The following SSH2 variants were observed in gnomAD, a reference collection of about 807,000 sequenced individuals.
SSH2 encodes the protein protein phosphatase Slingshot homolog 2.
A neutral mutation model predicts 135.2 loss-of-function variants in SSH2; 37 were observed. That is an observed-to-expected ratio of 0.27 (90% CI 0.21 to 0.36). SSH2 has a LOEUF of 0.36. SSH2 is among the 10% of genes least tolerant of loss of function. The pLI, the probability that SSH2 is intolerant of heterozygous loss-of-function variation, is 1.00. For synonymous variants in SSH2, 628 were observed against 646.2 expected, an observed-to-expected ratio of 0.97 and a Z score of 0.43; for missense variants, 1,408 against 1,765.3, an observed-to-expected ratio of 0.80 and a Z score of 3.63.
intron 2 of SSH2, among the ~76,000 whole-genome samples, chr17:29,829,830 G>T (rs949442007): frequency 1.3e-5 from 2 of 148,862 alleles, no homozygotes; most frequent in Admixed American, 1.3e-4. Flanking sequence ...AAGAAATAAA[G>T]ATCAAGATTT....
At chr17:29,815,897 G>A (rs1190515651) in intron 2 of SSH2, among the ~76,000 whole-genome samples, 3 of 152,042 alleles carry the variant, frequency 2.0e-5, no homozygotes, top group Middle Eastern at 3.2e-3. Flanking sequence ...TGCCCAGGCT[G>A]GAGTGCACTG....
intron 3 of SSH2, among the ~76,000 whole-genome samples, chr17:29,708,741 A>G (rs937717115): frequency 2.0e-5 from 3 of 151,766 alleles, no homozygotes; most frequent in African/African-American, 7.3e-5. Context: ...GTGATTACAG[A>G]TACCTAAGTT....
intron 1 of SSH2, among the ~76,000 whole-genome samples, chr17:29,850,875 C>G (rs1028624475): frequency 2.6e-5 from 4 of 152,088 alleles, no homozygotes; most frequent in African/African-American, 9.7e-5. Flanking sequence ...GTCCCACCTA[C>G]TCGGGAGGTT....
In SSH2 at chr17:29,647,178, C is replaced by T. The variant is rs192460565; in HGVS notation, c.1427+966G>A. On this transcript the variant is annotated intron_variant, in intron 14 of 15. Coordinates refer to ENST00000540801, the MANE Select transcript of SSH2 (RefSeq NM_001282129.2). Reference sequence around the variant, plus strand: ...TCGGGAGGCTGAGGCAGGAGAATGGCGTGAACCTGGGAGGCGGAGATTGCT... The same window carrying T: ...TCGGGAGGCTGAGGCAGGAGAATGGTGTGAACCTGGGAGGCGGAGATTGCT... 6.2e-3 allele frequency among the ~76,000 whole-genome samples: 945 copies of T among 151,322 alleles called. 29 individuals carry two copies. The highest frequency in any genetic ancestry group is 0.048 in the Admixed American group (725 of 15,188).
chr17:29,637,860 T>A (rs2035975223), intron 14 of SSH2, among the ~76,000 whole-genome samples: 2 of 151,824 alleles, frequency 1.3e-5, no homozygotes, highest in South Asian at 4.2e-4. Context: ...ATGCCTGTAA[T>A]CCTAGCACTT....
At chr17:29,901,910 A>C (rs1486949405) in intron 1 of SSH2, among the ~76,000 whole-genome samples, 1 of 151,986 alleles carries the variant, frequency 6.6e-6, no homozygotes. Flanking sequence ...CAGCCTCTCA[A>C]GTAGTAAGAC....
At chr17:29,848,153 T>C (rs1384932851) in intron 2 of SSH2, among the ~76,000 whole-genome samples, 1 of 152,196 alleles carries the variant, frequency 6.6e-6, no homozygotes, top group African/African-American at 2.4e-5. Context: ...GGCCATTCAA[T>C]ACTCAGGGGG....
At chr17:29,684,891 CCTAA>C (rs553918310) in intron 5 of SSH2, among the ~76,000 whole-genome samples, 43 of 152,084 alleles carry the variant, frequency 2.8e-4, no homozygotes, top group Non-Finnish European at 4.7e-4. Context: ...TATAATAATA[CCTAA>C]CTGTCAGGTT....
intron 3 of SSH2, among the ~76,000 whole-genome samples, chr17:29,755,426 C>T (rs939317132): frequency 1.3e-5 from 2 of 151,920 alleles, no homozygotes; most frequent in African/African-American, 2.4e-5. Flanking sequence ...TTTTATATAG[C>T]GGCAAGGGTA....
At chr17:29,899,077 C>T (rs1031649148) in intron 1 of SSH2, among the ~76,000 whole-genome samples, 2 of 152,120 alleles carry the variant, frequency 1.3e-5, no homozygotes, top group Non-Finnish European at 2.9e-5. Context: ...CAAAATTCAA[C>T]AACCTTCATG....
intron 1 of SSH2, among the ~76,000 whole-genome samples, chr17:29,875,418 TTGAG>T (rs1394140497): frequency 6.6e-6 from 1 of 152,166 alleles, no homozygotes; most frequent in Non-Finnish European, 1.5e-5. Context: ...TCATCTCCTC[TTGAG>T]TATCACCTCT....
chr17:29,831,787 C>T (rs1028939704), intron 2 of SSH2, among the ~76,000 whole-genome samples: 7 of 151,540 alleles, frequency 4.6e-5, no homozygotes, highest in African/African-American at 9.7e-5. Flanking sequence ...GCCATGTTGG[C>T]GAGGCTGTCT....
intron 1 of SSH2, among the ~76,000 whole-genome samples, chr17:29,920,207 A>G (rs1433088795): frequency 6.6e-6 from 1 of 152,120 alleles, no homozygotes; most frequent in Non-Finnish European, 1.5e-5. Flanking sequence ...AGCTATCAGG[A>G]GTGATATTTA....
chr17:29,805,915 A>G (rs1461791277), intron 2 of SSH2, among the ~76,000 whole-genome samples: 1 of 152,148 alleles, frequency 6.6e-6, no homozygotes, highest in Non-Finnish European at 1.5e-5. Flanking sequence ...GAGCAGGACT[A>G]TGTTTTTATA....
chr17:29,880,399 C>T (rs1156930097), intron 1 of SSH2, among the ~76,000 whole-genome samples: 1 of 152,216 alleles, frequency 6.6e-6, no homozygotes, highest in African/African-American at 2.4e-5. Flanking sequence ...CCTTGGCCTC[C>T]CAAAGTGCTG....
chr17:29,859,692 A>G (rs1391201080), intron 1 of SSH2, among the ~76,000 whole-genome samples: 1 of 152,182 alleles, frequency 6.6e-6, no homozygotes, highest in Non-Finnish European at 1.5e-5. Context: ...CCAGTCTATC[A>G]TCGATGGGCA....
chr17:29,904,324 C>T (rs567655075), intron 1 of SSH2, among the ~76,000 whole-genome samples: 3 of 152,282 alleles, frequency 2.0e-5, no homozygotes, highest in Non-Finnish European at 4.4e-5. Flanking sequence ...GGCCTCATCC[C>T]TGGGATGCAA....
chr17:29,637,931 T>G (rs556879917), intron 14 of SSH2, among the ~76,000 whole-genome samples: 74 of 152,022 alleles, frequency 4.9e-4, no homozygotes, highest in Non-Finnish European at 7.6e-4. Context: ...CTGGCCAACA[T>G]GGTGAAACCC....
intron 2 of SSH2, among the ~76,000 whole-genome samples, chr17:29,825,309 T>A (rs948712478): frequency 6.6e-6 from 1 of 152,242 alleles, no homozygotes; most frequent in Non-Finnish European, 1.5e-5. Flanking sequence ...GTTCTGCCCA[T>A]GAGAATATGC....
Sources: allele counts gnomAD v4.1 joint callset (sites outside exome capture counted in the v4.1 genomes callset), GRCh38; gene constraint gnomAD v4.1.1; transcripts MANE v1.5; gene names NCBI Gene and HGNC (gene_info 2026-07-23, HGNC 2026-07-21).